NBEA: variants seen among roughly 807,000 people sequenced by gnomAD.
The protein encoded by NBEA is lysosomal-trafficking regulator 2.
In NBEA, 44 loss-of-function variants were observed where a neutral mutation model predicts 343.4. The observed-to-expected ratio is 0.13, with a 90% CI of 0.10 to 0.16. The LOEUF (loss-of-function observed/expected upper bound fraction) is 0.16, where lower values mean the gene tolerates loss of function less well. NBEA is among the 10% of genes least tolerant of loss of function. The probability of loss-of-function intolerance (pLI) is 1.00; values close to 1 mark genes in which losing one functional copy is unlikely to be tolerated. For missense variants in NBEA, 2,555 were observed against 3,631.3 expected (o/e 0.70, Z 7.62); for synonymous variants, 1,175 against 1,238.7 (o/e 0.95, Z 1.08).
At chr13:34,958,170 A>G (rs1385813988) in intron 1 of NBEA, among the ~76,000 whole-genome samples, 1 of 152,116 alleles carries the variant, frequency 6.6e-6, no homozygotes, top group African/African-American at 2.4e-5. Flanking sequence ...TAATGTGACT[A>G]CTTAAATTTT....
intron 36 of NBEA, among the ~76,000 whole-genome samples, chr13:35,342,490 A>G (rs955749866): frequency 2.6e-5 from 4 of 152,098 alleles, no homozygotes; most frequent in Non-Finnish European, 4.4e-5. Flanking sequence ...TCAGGACAGC[A>G]TAAGAAAATC....
intron 30 of NBEA, among the ~76,000 whole-genome samples, chr13:35,191,543 G>A (rs1449554847): frequency 6.6e-6 from 1 of 150,764 alleles, no homozygotes; most frequent in African/African-American, 2.4e-5. Flanking sequence ...TGTTTAAAAT[G>A]AACTTTAATG....
intron 38 of NBEA, among the ~76,000 whole-genome samples, chr13:35,412,151 T>G (rs1183964009): frequency 6.6e-6 from 1 of 152,178 alleles, no homozygotes; most frequent in Non-Finnish European, 1.5e-5. Flanking sequence ...CATGAACTTT[T>G]TGAAGTCTGC....
At chr13:34,976,355 A>G (rs992061537) in intron 1 of NBEA, among the ~76,000 whole-genome samples, 5 of 152,164 alleles carry the variant, frequency 3.3e-5, no homozygotes, top group Middle Eastern at 3.2e-3. Flanking sequence ...TCTCACTCAT[A>G]TGTGAGAGCT....
intron 38 of NBEA, among the ~76,000 whole-genome samples, chr13:35,373,604 C>G (rs1236613564): frequency 1.3e-5 from 2 of 151,610 alleles, no homozygotes; most frequent in African/African-American, 4.9e-5. Context: ...ATTCAGGAGG[C>G]TGAGGTGGGA....
At chr13:35,126,216 A>C (rs540459687) in intron 17 of NBEA, among the ~76,000 whole-genome samples, 1 of 152,126 alleles carries the variant, frequency 6.6e-6, no homozygotes, top group East Asian at 1.9e-4. Context: ...CCCTCACTCC[A>C]TCTTCCTGCC....
intron 17 of NBEA, among the ~76,000 whole-genome samples, chr13:35,138,884 T>G (rs1433942445): frequency 6.6e-6 from 1 of 152,130 alleles, no homozygotes; most frequent in Non-Finnish European, 1.5e-5. Context: ...CCTCTCATCC[T>G]GTCATTTATA....
At chr13:34,978,345 A>G (rs903413100) in intron 1 of NBEA, among the ~76,000 whole-genome samples, 1 of 152,092 alleles carries the variant, frequency 6.6e-6, no homozygotes, top group Non-Finnish European at 1.5e-5. Context: ...AGAGTCTACA[A>G]TTTACATTTT....
chr13:35,551,456 A>G (rs1316804350), intron 43 of NBEA, among the ~76,000 whole-genome samples: 2 of 152,174 alleles, frequency 1.3e-5, no homozygotes, highest in African/African-American at 2.4e-5. Context: ...TATTAAGGGT[A>G]ATAGTCATTA....
intron 31 of NBEA, among the ~76,000 whole-genome samples, chr13:35,204,497 G>A (rs1237629507): frequency 2.0e-5 from 3 of 152,090 alleles, no homozygotes; most frequent in African/African-American, 7.2e-5. Flanking sequence ...GAATAACACA[G>A]GAAAGACCGG....
chr13:35,232,649 T>G, intron 34 of NBEA, 30 bp downstream of exon 34: 2 of 1,417,798 alleles, frequency 1.4e-6, no homozygotes, highest in South Asian at 2.9e-5. Context: ...ATTATTTTAG[T>G]TTCCTATAAT....
intron 31 of NBEA, among the ~76,000 whole-genome samples, chr13:35,199,496 A>G (rs1000344825): frequency 6.6e-6 from 1 of 152,032 alleles, no homozygotes; most frequent in Non-Finnish European, 1.5e-5. Context: ...ACTAAATCAC[A>G]CTCCTAATAA....
chr13:35,139,983 G>T (rs2067998337), intron 17 of NBEA, among the ~76,000 whole-genome samples: 1 of 151,976 alleles, frequency 6.6e-6, no homozygotes, highest in Non-Finnish European at 1.5e-5. Context: ...TAGTGGCACA[G>T]TTAAGAGAAT....
At chr13:35,009,196 A>G (rs1232568173) in intron 1 of NBEA, among the ~76,000 whole-genome samples, 2 of 152,236 alleles carry the variant, frequency 1.3e-5, no homozygotes, top group Non-Finnish European at 2.9e-5. Flanking sequence ...TGTGCCAAGT[A>G]CTGGAGGTAT....
At chr13:35,425,970 C>T (rs2044639477) in intron 38 of NBEA, among the ~76,000 whole-genome samples, 1 of 152,060 alleles carries the variant, frequency 6.6e-6, no homozygotes, top group African/African-American at 2.4e-5. Context: ...GGATTGCAAC[C>T]CCTGGCTTTT....
chr13:35,015,100 C>T (rs2061605615), intron 1 of NBEA, among the ~76,000 whole-genome samples: 1 of 144,866 alleles, frequency 6.9e-6, no homozygotes, highest in African/African-American at 2.6e-5. Flanking sequence ...TTGCCGCCTC[C>T]CTTCTCAACA....
At chr13:35,503,608 AC>A (rs2076970064) in intron 41 of NBEA, among the ~76,000 whole-genome samples, 1 of 151,982 alleles carries the variant, frequency 6.6e-6, no homozygotes, top group Admixed American at 6.6e-5. Flanking sequence ...TTGTTCATTT[AC>A]CAGGATACAT....
intron 31 of NBEA, among the ~76,000 whole-genome samples, chr13:35,200,604 C>T (rs1209839364): frequency 6.6e-6 from 1 of 151,922 alleles, no homozygotes; most frequent in Non-Finnish European, 1.5e-5. Flanking sequence ...ACTTACACTT[C>T]ACTTTTTCAG....
At chr13:35,116,331 A>C (rs1314096926) in intron 13 of NBEA, among the ~76,000 whole-genome samples, 2 of 152,184 alleles carry the variant, frequency 1.3e-5, no homozygotes, top group African/African-American at 4.8e-5. Flanking sequence ...AGAAGTGTTT[A>C]TACAGGTGTT....
Sources: allele counts gnomAD v4.1 joint callset (sites outside exome capture counted in the v4.1 genomes callset), GRCh38; gene constraint gnomAD v4.1.1; transcripts MANE v1.5; gene names NCBI Gene and HGNC (gene_info 2026-07-23, HGNC 2026-07-21).